CSMD1: variants seen among roughly 807,000 people sequenced by gnomAD.
The protein encoded by CSMD1 is CUB and sushi domain-containing protein 1.
In CSMD1, 213 loss-of-function variants were observed where a neutral mutation model predicts 417.5. That is an observed-to-expected ratio of 0.51 (90% CI 0.46 to 0.57). The LOEUF (loss-of-function observed/expected upper bound fraction) is 0.57. Among genes scored for constraint, CSMD1 ranks in the 20% least tolerant of loss-of-function variants. The pLI is 0.00. For missense variants in CSMD1, 6,923 were observed against 4,529.7 expected, an observed-to-expected ratio of 1.53 and a Z score of -15.17; for synonymous variants, 2,862 against 1,736.8, an observed-to-expected ratio of 1.65 and a Z score of -16.11.
chr8:4,526,340 T>A (rs926675518), intron 2 of CSMD1, among the ~76,000 whole-genome samples: 1 of 152,230 alleles, frequency 6.6e-6, no homozygotes, highest in Non-Finnish European at 1.5e-5. Context: ...AATACTATGG[T>A]ATTAGGTTCA....
chr8:3,851,865 T>C (rs969056690), intron 5 of CSMD1, among the ~76,000 whole-genome samples: 1 of 152,006 alleles, frequency 6.6e-6, no homozygotes, highest in Non-Finnish European at 1.5e-5. Flanking sequence ...GACATGGCCA[T>C]GCAAAGCCAG....
At chr8:3,890,540 A>G (rs551570609) in intron 5 of CSMD1, among the ~76,000 whole-genome samples, 4 of 152,218 alleles carry the variant, frequency 2.6e-5, no homozygotes, top group East Asian at 1.9e-4. Flanking sequence ...AAATAACTCT[A>G]TCTCTCAAAG....
chr8:3,187,153 T>A (rs1006871553), intron 36 of CSMD1, among the ~76,000 whole-genome samples: 2 of 152,196 alleles, frequency 1.3e-5, no homozygotes, highest in African/African-American at 4.8e-5. Flanking sequence ...AGGGAGATAA[T>A]CGCAATACTG....
At chr8:3,314,220 T>G (rs188085237) in intron 23 of CSMD1, among the ~76,000 whole-genome samples, 9 of 152,144 alleles carry the variant, frequency 5.9e-5, no homozygotes, top group Admixed American at 3.9e-4. Context: ...TGTATACATA[T>G]GTAACAAACC....
intron 3 of CSMD1, among the ~76,000 whole-genome samples, chr8:4,310,241 C>G (rs1798486335): frequency 6.6e-6 from 1 of 152,106 alleles, no homozygotes; most frequent in Non-Finnish European, 1.5e-5. Flanking sequence ...ATTAACTTAT[C>G]ACACAGAAAA....
At chr8:3,788,783 T>C (rs569586150) in intron 5 of CSMD1, among the ~76,000 whole-genome samples, 6 of 152,170 alleles carry the variant, frequency 3.9e-5, no homozygotes, top group Admixed American at 3.3e-4. Context: ...CATAAGAGAG[T>C]GCAAAATCAA....
chr8:3,950,517 G>A (rs756095), intron 5 of CSMD1, among the ~76,000 whole-genome samples: 50,394 of 152,142 alleles, frequency 0.33, 8,898 homozygotes, highest in East Asian at 0.5. Flanking sequence ...CCGTCCACTT[G>A]CTGCCAGTTT....
intron 3 of CSMD1, among the ~76,000 whole-genome samples, chr8:4,369,590 C>A (rs1458860093): frequency 1.3e-5 from 2 of 152,202 alleles, no homozygotes; most frequent in Non-Finnish European, 2.9e-5. Context: ...GTCTGTAGAT[C>A]TCTATGAACT....
chr8:4,267,026 C>A (rs1230217185), intron 3 of CSMD1, among the ~76,000 whole-genome samples: 1 of 103,238 alleles, frequency 9.7e-6, no homozygotes. Context: ...AGCATAAAAC[C>A]TAGTAATGTA....
At chr8:4,918,440 T>A (rs1341915233) in intron 1 of CSMD1, among the ~76,000 whole-genome samples, 2 of 152,172 alleles carry the variant, frequency 1.3e-5, no homozygotes, top group South Asian at 2.1e-4. Flanking sequence ...CTTCTGTATA[T>A]CCACCTGGAC....
chr8:4,788,809 T>A (rs923474796), intron 1 of CSMD1, among the ~76,000 whole-genome samples: 3 of 152,324 alleles, frequency 2.0e-5, no homozygotes, highest in South Asian at 4.1e-4. Flanking sequence ...TGACATCTGC[T>A]TTTGAAACAT....
At chr8:3,811,837 T>C (rs373510477) in intron 5 of CSMD1, among the ~76,000 whole-genome samples, 4 of 152,212 alleles carry the variant, frequency 2.6e-5, no homozygotes, top group African/African-American at 9.6e-5. Context: ...TTCATCTCCA[T>C]TAGCCAACAC....
chr8:4,779,005 G>A (rs938748484), intron 1 of CSMD1, among the ~76,000 whole-genome samples: 1 of 152,182 alleles, frequency 6.6e-6, no homozygotes, highest in African/African-American at 2.4e-5. Context: ...TAACAGTATA[G>A]GTATGCAATG....
chr8:3,248,138 G>T (rs1800004254), intron 26 of CSMD1, among the ~76,000 whole-genome samples: 1 of 152,056 alleles, frequency 6.6e-6, no homozygotes, highest in Non-Finnish European at 1.5e-5. Context: ...GACCAGCCTG[G>T]GCAAAATAGT....
chr8:3,037,398 T>G (rs34749955), intron 50 of CSMD1, among the ~76,000 whole-genome samples: 1 of 148,326 alleles, frequency 6.7e-6, no homozygotes, highest in African/African-American at 2.5e-5. Flanking sequence ...TTAGTAGAGA[T>G]GGGGTTTCAC....
chr8:3,572,156 A>G (rs960919148), intron 10 of CSMD1, among the ~76,000 whole-genome samples: 3 of 152,162 alleles, frequency 2.0e-5, no homozygotes, highest in Non-Finnish European at 4.4e-5. Context: ...TGCCCGACCC[A>G]TTACAGGGGC....
chr8:4,715,002 T>A (rs1181971200), intron 1 of CSMD1, among the ~76,000 whole-genome samples: 1 of 152,226 alleles, frequency 6.6e-6, no homozygotes, highest in Non-Finnish European at 1.5e-5. Flanking sequence ...CAGATGGCAA[T>A]AATTTCATAT....
At chr8:3,888,063 C>G (rs1056142390) in intron 5 of CSMD1, among the ~76,000 whole-genome samples, 1 of 152,150 alleles carries the variant, frequency 6.6e-6, no homozygotes, top group African/African-American at 2.4e-5. Context: ...AAATACTGTA[C>G]AGTTATCACT....
chr8:4,811,740 A>G (rs1430903853), intron 1 of CSMD1, among the ~76,000 whole-genome samples: 2 of 152,138 alleles, frequency 1.3e-5, no homozygotes, highest in Non-Finnish European at 2.9e-5. Context: ...TGCTTCGTTT[A>G]AATCTTTTAG....
Sources: allele counts gnomAD v4.1 joint callset (sites outside exome capture counted in the v4.1 genomes callset), GRCh38; gene constraint gnomAD v4.1.1; transcripts MANE v1.5; gene names NCBI Gene and HGNC (gene_info 2026-07-23, HGNC 2026-07-21).